Variants in USH1C observed in about 807,000 individuals in gnomAD.
The protein encoded by USH1C is harmonin.
In USH1C, 90 loss-of-function variants were observed where a neutral mutation model predicts 119.3. The ratio of observed to expected loss-of-function variants is 0.75; its 90% confidence interval spans 0.64 to 0.90. USH1C has a LOEUF of 0.90. Among genes scored for constraint, USH1C ranks in the 40% least tolerant of loss-of-function variants. The probability of loss-of-function intolerance (pLI) is 0.00; values close to 1 mark genes in which losing one functional copy is unlikely to be tolerated. For synonymous variants in USH1C, 465 were observed against 443.3 expected (o/e 1.05, Z -0.62); for missense variants, 1,165 against 1,167.7 (o/e 1.00, Z 0.03).
At chr11:17,502,223 AG>A (rs1849474645) in intron 20 of USH1C, among the ~76,000 whole-genome samples, 2 of 152,230 alleles carry the variant, frequency 1.3e-5, no homozygotes, top group South Asian at 4.1e-4. Flanking sequence ...GCCCTGCTTC[AG>A]CGGCACAAGC....
chr11:17,522,140 C>T (rs1037735850), intron 12 of USH1C, among the ~76,000 whole-genome samples: 2 of 152,210 alleles, frequency 1.3e-5, no homozygotes, highest in Non-Finnish European at 2.9e-5. Context: ...CCATGAAATA[C>T]TTTTAAATGC....
At position 17,505,833 on chromosome 11, in the gene USH1C, A is replaced by T; in HGVS notation, c.2130T>A (p.Val710=). Residue 710 remains valine (V), a synonymous_variant, in exon 19 of 27, where the codon GTT becomes GTA. Coordinates refer to ENST00000005226, the MANE Select transcript of USH1C (RefSeq NM_153676.4). ...FIYRPAVKSE[V]LPQEMLKRMV... is the part of the protein sequence containing the mutation. ...GGAGGGGACCCAAGGGGCTTACCAG[A>T]ACTTCAGATTTCACAGCTGGCCTGT... 1 of 1,614,056 alleles carries T rather than the reference A, an allele frequency of 6.2e-7. No homozygotes were observed. Among genetic ancestry groups the T allele is most frequent in the South Asian group, 1.1e-5 (1 of 91,072 alleles).
intron 20 of USH1C, 45 bp downstream of exon 20, chr11:17,504,602 G>A: frequency 1.2e-6 from 2 of 1,605,036 alleles, no homozygotes; most frequent in Non-Finnish European, 1.7e-6. Flanking sequence ...GGGAGGGACG[G>A]GGGTGGTGGG....
intron 2 of USH1C, among the ~76,000 whole-genome samples, chr11:17,533,035 T>C (rs1047041418): frequency 6.6e-6 from 1 of 152,158 alleles, no homozygotes; most frequent in African/African-American, 2.4e-5. Context: ...CAGAGACCAA[T>C]CTGTCTGGCT....
chr11:17,495,700 G>A (rs1256334957), intron 25 of USH1C, 23 bp from the exon 26 acceptor site: 1 of 1,612,650 alleles, frequency 6.2e-7, no homozygotes, highest in Admixed American at 1.7e-5. Flanking sequence ...AGCAGAGCAA[G>A]AAACACAAAA....
chr11:17,529,749 G>A (rs1479381080), intron 4 of USH1C, among the ~76,000 whole-genome samples: 8 of 152,216 alleles, frequency 5.3e-5, no homozygotes, highest in Non-Finnish European at 1.2e-4. Context: ...CGATCTGAGG[G>A]ACAGCGGCAC....
intron 1 of USH1C, among the ~76,000 whole-genome samples, chr11:17,540,189 T>A (rs113671862): frequency 1.3e-5 from 2 of 152,278 alleles, no homozygotes; most frequent in South Asian, 4.1e-4. Context: ...AAGCGCTGTA[T>A]ATATTTAGTG....
intron 20 of USH1C, among the ~76,000 whole-genome samples, chr11:17,503,146 G>C (rs1255317636): frequency 6.6e-6 from 1 of 152,230 alleles, no homozygotes; most frequent in African/African-American, 2.4e-5. Flanking sequence ...CATGAGCTCG[G>C]CTCAGCTTGG....
At chr11:17,503,811 A>C (rs1849535629) in intron 20 of USH1C, among the ~76,000 whole-genome samples, 1 of 152,244 alleles carries the variant, frequency 6.6e-6, no homozygotes. Context: ...TGATAATAGC[A>C]CTTACCACCC....
intron 25 of USH1C, among the ~76,000 whole-genome samples, chr11:17,495,996 G>T (rs191071972): frequency 4.3e-4 from 65 of 152,208 alleles, no homozygotes; most frequent in African/African-American, 1.5e-3. Context: ...CAGAGGCAGA[G>T]AAACAGAGAA....
intron 9 of USH1C, 56 bp downstream of exon 9, chr11:17,524,393 TCA>T: frequency 1.3e-6 from 2 of 1,536,434 alleles, no homozygotes; most frequent in Non-Finnish European, 1.8e-6. Context: ...CACCGCGGGA[TCA>T]CAGTCTGACC....
chr11:17,531,378 G>A lies in USH1C; in HGVS notation c.248+21C>T. 1 of 1,613,668 alleles carries A rather than the reference G, an allele frequency of 6.2e-7. No individual in the cohort carries two copies. The highest frequency in any genetic ancestry group is 8.5e-7 in the Non-Finnish European group (1 of 1,179,790). On this transcript the variant is annotated intron_variant, in intron 3 of 26. Coordinates refer to ENST00000005226, the MANE Select transcript of USH1C (RefSeq NM_153676.4). This position sits in a 1 kb window ranked among gnomAD's most constrained non-coding sequence, Gnocchi z 4.2. ...GTGATCTCTCCACCCCCTGCCTCCA[G>A]CCTGGTGGCTTCCTCTGCACCTGGA... is the stretch of plus-strand genomic sequence containing the variant.
At position 17,533,738 on chromosome 11, in the gene USH1C, C is replaced by T. The variant is rs111326338; in HGVS notation, c.37-416G>A. ...TCTTACCTGATGGTGGCTGTAGTGC[C>T]GGATAAATGCTTTCAGGAAGGATTT... On this transcript the variant is annotated intron_variant, in intron 1 of 26. Transcript: ENST00000005226. The T allele has an allele frequency of 7.8e-3, 3,621 of 465,574 alleles. 103 individuals are homozygous for T. Among genetic ancestry groups the T allele is most frequent in the African/African-American group, 0.064 (3,227 of 50,634 alleles). 28.8% of individuals were successfully genotyped at this position (465,574 alleles called of 1,614,324 possible).
At chr11:17,533,353 C>G in intron 1 of USH1C, 31 bp from the exon 2 acceptor site, 3 of 1,519,370 alleles carry the variant, frequency 2.0e-6, no homozygotes, top group Non-Finnish European at 2.7e-6. Context: ...ATCACAGCTC[C>G]AGGCTCAGCA....
intron 16 of USH1C, 133 bp from the exon 17 acceptor site, chr11:17,510,654 AC>A: frequency 1.3e-6 from 1 of 744,574 alleles, no homozygotes; most frequent in South Asian, 1.5e-5. Context: ...CTAGAAAGAG[AC>A]CTGGGCTTGT....
rs1250032799 is a variant in USH1C, at chr11:17,509,436, C to T, written c.1933G>A (p.Glu645Lys). Residue 645 changes from glutamate to lysine, a missense_variant, in exon 18 of 27, where the codon GAG (glutamate) becomes AAG (lysine). Glu to Lys is a moderately conservative substitution (Grantham distance 56). Coordinates refer to ENST00000005226, the MANE Select transcript of USH1C (RefSeq NM_153676.4). ...FRTGDTGNPV[E>K]DWEAKNHSGK... Reference sequence around the variant, plus strand: ...CTGTGGTTCTTTGCCTCCCAGTCCTCCACTGGATTGCCTGTGTCCCCAGTG... The same window carrying T: ...CTGTGGTTCTTTGCCTCCCAGTCCTTCACTGGATTGCCTGTGTCCCCAGTG... 1 of 1,611,158 alleles carries T rather than the reference C, an allele frequency of 6.2e-7. No individual in the cohort carries two copies. The highest frequency in any genetic ancestry group is 8.5e-7 in the Non-Finnish European group (1 of 1,178,004).
At chr11:17,516,426 A>C in intron 14 of USH1C, 136 bp from the exon 15 acceptor site, 1 of 864,228 alleles carries the variant, frequency 1.2e-6, no homozygotes. Context: ...CCGACAGCAA[A>C]ACTGCACCCT....
At chr11:17,511,291 AG>A (rs1308147445) in intron 16 of USH1C, among the ~76,000 whole-genome samples, 6 of 151,530 alleles carry the variant, frequency 4.0e-5, no homozygotes, top group Non-Finnish European at 8.8e-5. Flanking sequence ...CACCTGCATA[AG>A]GGGGTTAGCC....
intron 1 of USH1C, 175 bp from the exon 2 acceptor site, chr11:17,533,497 C>T: frequency 1.5e-6 from 1 of 671,342 alleles, no homozygotes; most frequent in South Asian, 1.6e-5. Flanking sequence ...ATGCATCAGA[C>T]CTATGCAGAC....
Sources: allele counts gnomAD v4.1 joint callset (sites outside exome capture counted in the v4.1 genomes callset), GRCh38; gene constraint gnomAD v4.1.1; non-coding constraint Gnocchi (gnomAD v3.1); transcripts MANE v1.5; gene names NCBI Gene and HGNC (gene_info 2026-07-23, HGNC 2026-07-21).